Variants in RGS12 observed in about 807,000 individuals in gnomAD.
RGS12 encodes the protein regulator of G-protein signaling 12.
RGS12 carries 66 observed loss-of-function variants against 120.1 expected under a neutral mutation model. That is an observed-to-expected ratio of 0.55 (90% CI 0.45 to 0.67). The LOEUF is 0.67. Ranked by LOEUF, RGS12 falls within the 30% of genes least tolerant of loss-of-function variation. RGS12 has a pLI of 0.00. For synonymous variants in RGS12, 827 were observed against 804.7 expected (o/e 1.03, Z -0.47); for missense variants, 1,859 against 1,957.7 (o/e 0.95, Z 0.95).
rs1315972091 is a variant in RGS12, at chr4:3,433,225, G to A, written c.4114+2270G>A. 1.3e-5 allele frequency among the ~76,000 whole-genome samples: 2 copies of A among 152,218 alleles called. No individual in the cohort carries two copies. Among genetic ancestry groups the A allele is most frequent in the Non-Finnish European group, 2.9e-5 (2 of 68,022 alleles). On this transcript the variant is annotated intron_variant, in intron 17 of 17. Transcript: ENST00000336727. The surrounding 1 kb of genome is among the most constrained non-coding windows in gnomAD (Gnocchi z 4.4). ...CCGACGTTGACAGTTGCTGTGGGAT[G>A]CTTCCTCACAATGTGGCAGCCGCCC...
chr4:3,418,837 C>T (rs1258913354), intron 9 of RGS12: 1 of 151,980 alleles, frequency 6.6e-6, no homozygotes, highest in Non-Finnish European at 1.5e-5. Flanking sequence ...TCAGACAGTC[C>T]ATCCACTCGT....
chr4:3,394,638 A>G (rs1028095125), intron 4 of RGS12, among the ~76,000 whole-genome samples: 2 of 152,332 alleles, frequency 1.3e-5, no homozygotes, highest in South Asian at 2.1e-4. Flanking sequence ...TTTTGTTGCA[A>G]TTGTTTTTCA....
rs13152170 is a variant in RGS12, at chr4:3,372,435, C to T, written c.1999-13981C>T. Among the ~76,000 whole-genome samples the T allele has an allele frequency of 0.3, 45,162 of 152,228 alleles. 6,749 individuals are homozygous for T. The highest frequency in any genetic ancestry group is 0.4 in the South Asian group (1,929 of 4,830). ...AGTGCCCAGGTGAAGGCCCTGCTGG[C>T]GCACGGCTGGACAAGCATGACAGTT... On this transcript the variant is annotated intron_variant, in intron 3 of 17. Coordinates refer to ENST00000336727, the MANE Select transcript of RGS12 (RefSeq NM_001394154.1). The surrounding 1 kb of genome is among the most constrained non-coding windows in gnomAD (Gnocchi z 4.3).
upstream of RGS12, among the ~76,000 whole-genome samples, chr4:3,291,346 CTCTT>C (rs1314888526): frequency 2.5e-3 from 265 of 105,918 alleles, 1 homozygote; most frequent in South Asian, 4.6e-3. Context: ...TCTTTCCTGG[CTCTT>C]TTTTTTTTTT....
intron 1 of RGS12, among the ~76,000 whole-genome samples, chr4:3,294,052 T>C (rs1317706157): frequency 2.5e-5 from 1 of 39,632 alleles, no homozygotes; most frequent in African/African-American, 2.7e-4. Context: ...CTCACCTGCT[T>C]GGTCACTTGC....
chr4:3,311,295 C>T (rs769430726), intron 1 of RGS12, among the ~76,000 whole-genome samples: 3 of 152,162 alleles, frequency 2.0e-5, no homozygotes, highest in Non-Finnish European at 2.9e-5. Context: ...AGGCCTAGGA[C>T]CCATCTCTGT....
At chr4:3,331,957 A>T (rs1247615262) in intron 2 of RGS12, among the ~76,000 whole-genome samples, 2 of 152,138 alleles carry the variant, frequency 1.3e-5, no homozygotes, top group Non-Finnish European at 2.9e-5. Flanking sequence ...ACGGCCACCG[A>T]GTGCGCTCTC....
chr4:3,304,802 T>A (rs1180932135), intron 1 of RGS12, among the ~76,000 whole-genome samples: 1 of 152,206 alleles, frequency 6.6e-6, no homozygotes, highest in Non-Finnish European at 1.5e-5. Flanking sequence ...ATAGCAGGAA[T>A]GGCAGCAAGT....
At chr4:3,417,365 C>T in intron 8 of RGS12, 23 bp from the exon 9 acceptor site, 1 of 1,552,928 alleles carries the variant, frequency 6.4e-7, no homozygotes, top group Non-Finnish European at 8.7e-7. Context: ...ATTGTTTTAA[C>T]CAAGGTTTCC....
At chr4:3,359,573 G>A (rs554268083) in intron 3 of RGS12, among the ~76,000 whole-genome samples, 1 of 146,390 alleles carries the variant, frequency 6.8e-6, no homozygotes, top group African/African-American at 2.5e-5. Context: ...TACTGATTCA[G>A]TTTGCTTACT....
intron 1 of RGS12, among the ~76,000 whole-genome samples, chr4:3,313,381 G>A (rs949891558): frequency 6.6e-6 from 1 of 152,222 alleles, no homozygotes; most frequent in African/African-American, 2.4e-5. Flanking sequence ...GGCACTTGCC[G>A]GGAACAGCAG....
rs530366019 is a variant in RGS12 at position 3,391,367 on chromosome 4, T to G, written c.2020+4930T>G. Among the ~76,000 whole-genome samples, 3 of 152,374 alleles carry G rather than the reference T, an allele frequency of 2.0e-5. No individual in the cohort carries two copies. The South Asian group carries it at 6.2e-4, about 32-fold the overall frequency. ...TATTTGGAGAGTTTTTATTACTAGT[T>G]TTTAATATTGTGAAATTATTTTTTC... On this transcript the variant is annotated intron_variant, in intron 4 of 17. Transcript: ENST00000336727.
intron 1 of RGS12, among the ~76,000 whole-genome samples, chr4:3,309,396 CTGGAATGGCAGGTGTCCGCTGAG>C (rs1560645412): frequency 8.9e-5 from 10 of 112,516 alleles, no homozygotes; most frequent in Non-Finnish European, 1.6e-4. Flanking sequence ...AGCTGGGACC[CTGGAATGGCAGGTGTCCGCTGAG>C]GGGAACCGTG....
chr4:3,330,802 C>G (rs769109136), intron 2 of RGS12, among the ~76,000 whole-genome samples: 11 of 152,232 alleles, frequency 7.2e-5, no homozygotes, highest in African/African-American at 9.7e-5. Flanking sequence ...AGGGTGCCTA[C>G]TGTTGTGTGG....
intron 1 of RGS12, among the ~76,000 whole-genome samples, chr4:3,306,157 C>T (rs1358634994): frequency 6.6e-6 from 1 of 152,254 alleles, no homozygotes; most frequent in African/African-American, 2.4e-5. Context: ...GCCCACCCTT[C>T]GTCTCTTTAC....
intron 3 of RGS12, among the ~76,000 whole-genome samples, chr4:3,349,406 C>G (rs1714143307): frequency 6.6e-6 from 1 of 152,050 alleles, no homozygotes; most frequent in South Asian, 2.1e-4. Context: ...TGTTTTTAAC[C>G]TTCCTTACTA....
At chr4:3,423,928 G>A in intron 13 of RGS12, 1 of 348,126 alleles carries the variant, frequency 2.9e-6, no homozygotes, top group East Asian at 6.2e-5. Flanking sequence ...AACCAACCCT[G>A]GACTATCCTC....
At chr4:3,399,797 T>G (rs947785907) in intron 4 of RGS12, among the ~76,000 whole-genome samples, 1 of 152,106 alleles carries the variant, frequency 6.6e-6, no homozygotes, top group African/African-American at 2.4e-5. Flanking sequence ...AAAATCCTGG[T>G]GGGTTTAACA....
chr4:3,292,931 G>GC (rs1280794492), upstream of RGS12: 3 of 147,142 alleles, frequency 2.0e-5, no homozygotes, highest in East Asian at 6.0e-4. Context: ...CACCCCCTTG[G>GC]CCCCGCCTCA....
Sources: allele counts gnomAD v4.1 joint callset (sites outside exome capture counted in the v4.1 genomes callset), GRCh38; gene constraint gnomAD v4.1.1; non-coding constraint Gnocchi (gnomAD v3.1); transcripts MANE v1.5; gene names NCBI Gene and HGNC (gene_info 2026-07-23, HGNC 2026-07-21).